LIMS1: variants seen among roughly 807,000 people sequenced by gnomAD.
LIMS1 encodes LIM zinc finger domain containing 1.
LIMS1 carries 18 observed loss-of-function variants against 44.1 expected under a neutral mutation model. The observed-to-expected ratio is 0.41, with a 90% CI of 0.28 to 0.61. The LOEUF is 0.61. LIMS1 is among the 20% of genes least tolerant of loss of function. The pLI is 0.32. For missense variants in LIMS1, 201 were observed against 422.0 expected, an observed-to-expected ratio of 0.48 and a Z score of 4.59; for synonymous variants, 93 against 149.1, an observed-to-expected ratio of 0.62 and a Z score of 2.74.
intron 1 of LIMS1, among the ~76,000 whole-genome samples, chr2:108,621,759 A>AC (rs1688257604): frequency 6.6e-6 from 1 of 152,204 alleles, no homozygotes; most frequent in Admixed American, 6.5e-5. Flanking sequence ...AATTGAAAAC[A>AC]ACTGATTTTT....
At chr2:108,640,964 C>CGGT (rs2148918087) in intron 1 of LIMS1, among the ~76,000 whole-genome samples, 1 of 152,266 alleles carries the variant, frequency 6.6e-6, no homozygotes, top group South Asian at 2.1e-4. Flanking sequence ...CCTCTAATAA[C>CGGT]CAACTCTGCG....
chr2:108,667,551 A>AAAATATATATATAT (rs765279788), intron 2 of LIMS1, among the ~76,000 whole-genome samples: 3 of 130,472 alleles, frequency 2.3e-5, no homozygotes, highest in African/African-American at 5.7e-5. Context: ...AAAAAAAAAA[A>AAAATATATATATAT]ATATATATAT....
chr2:108,551,933 G>GTATATA (rs1684748311), intron 1 of LIMS1, among the ~76,000 whole-genome samples: 1 of 77,374 alleles, frequency 1.3e-5, no homozygotes, highest in African/African-American at 4.5e-5. Context: ...GTATATATGT[G>GTATATA]TGTGTGTGTG....
chr2:108,545,974 C>T (rs1211451243), intron 1 of LIMS1, among the ~76,000 whole-genome samples: 2 of 152,180 alleles, frequency 1.3e-5, no homozygotes, highest in Non-Finnish European at 2.9e-5. Context: ...AAGAGAAGCC[C>T]TCCTTAACTA....
At chr2:108,635,051 G>A (rs964151213) in intron 1 of LIMS1, among the ~76,000 whole-genome samples, 2 of 152,154 alleles carry the variant, frequency 1.3e-5, no homozygotes, top group East Asian at 3.8e-4. Context: ...TGAGGATGGG[G>A]GTCTACACTG....
At chr2:108,581,095 G>A (rs1292951904) in intron 1 of LIMS1, among the ~76,000 whole-genome samples, 2 of 152,182 alleles carry the variant, frequency 1.3e-5, no homozygotes. Flanking sequence ...GTTTGGGTCT[G>A]AGTGGGTTTT....
At chr2:108,667,605 T>C (rs1366477513) in intron 2 of LIMS1, among the ~76,000 whole-genome samples, 2 of 150,606 alleles carry the variant, frequency 1.3e-5, no homozygotes, top group Non-Finnish European at 3.0e-5. Flanking sequence ...TTATGCAATA[T>C]ACATCTTTCT....
chr2:108,535,906 G>A (rs1478584587), intron 1 of LIMS1, among the ~76,000 whole-genome samples: 2 of 152,176 alleles, frequency 1.3e-5, no homozygotes, highest in Non-Finnish European at 2.9e-5. Flanking sequence ...TCAGCTCATC[G>A]CTCTATTACA....
intron 1 of LIMS1, among the ~76,000 whole-genome samples, chr2:108,648,275 T>C (rs1362647360): frequency 1.3e-5 from 2 of 152,148 alleles, no homozygotes; most frequent in Non-Finnish European, 1.5e-5. Context: ...GAAGGACCTC[T>C]TCAAGGAGAA....
intron 1 of LIMS1, among the ~76,000 whole-genome samples, chr2:108,633,871 G>C (rs1689069174): frequency 6.6e-6 from 1 of 152,182 alleles, no homozygotes; most frequent in Admixed American, 6.5e-5. Flanking sequence ...GTGTGTGTGT[G>C]TGTCCATCCT....
Position 108,534,611 on chromosome 2 carries a change from G to A in LIMS1, c.32+17G>A. 1 of 1,124,174 alleles carries A rather than the reference G, an allele frequency of 8.9e-7. No individual in the cohort carries two copies. The highest frequency in any genetic ancestry group is 3.8e-4 in the Middle Eastern group (1 of 2,612). 69.6% of individuals were successfully genotyped at this position (1,124,174 alleles called of 1,614,324 possible). On this transcript the variant is annotated intron_variant, in intron 1 of 9. Coordinates refer to ENST00000544547, the Ensembl canonical transcript of LIMS1. Reference sequence around the variant, plus strand: ...GACCCACAGGTACGGGCCGCACCGCGCGGCCCCCGCCACGTCCGCCCCGCA... The same window carrying A: ...GACCCACAGGTACGGGCCGCACCGCACGGCCCCCGCCACGTCCGCCCCGCA...
At chr2:108,612,301 T>G (rs1465484417) in intron 1 of LIMS1, among the ~76,000 whole-genome samples, 1 of 152,078 alleles carries the variant, frequency 6.6e-6, no homozygotes, top group Non-Finnish European at 1.5e-5. Context: ...TGGTATGAAG[T>G]GTTCTCAGAG....
At chr2:108,673,947 A>AT (rs1182674998) in intron 5 of LIMS1, 2 of 152,226 alleles carry the variant, frequency 1.3e-5, no homozygotes, top group African/African-American at 4.8e-5. Flanking sequence ...AAAGAAATAT[A>AT]TTTAATTTTT....
chr2:108,645,838 A>G (rs1023567273), intron 1 of LIMS1, among the ~76,000 whole-genome samples: 1 of 151,346 alleles, frequency 6.6e-6, no homozygotes, highest in Non-Finnish European at 1.5e-5. Flanking sequence ...AAAAAAACCC[A>G]GGAGTTGCAA....
chr2:108,571,871 A>T (rs1018366803), intron 1 of LIMS1, among the ~76,000 whole-genome samples: 1 of 152,212 alleles, frequency 6.6e-6, no homozygotes. Flanking sequence ...ACTGTCTTCA[A>T]ATGTGTCTCA....
intron 1 of LIMS1, among the ~76,000 whole-genome samples, chr2:108,626,605 C>T (rs1217283047): frequency 2.1e-4 from 32 of 152,130 alleles, no homozygotes; most frequent in Admixed American, 1.6e-3. Context: ...GCATCTAGCA[C>T]GTACTGCAGT....
intron 1 of LIMS1, among the ~76,000 whole-genome samples, chr2:108,637,099 A>ATGTGTGTGTGTGTGTGTGTGTG (rs74315160): frequency 2.0e-5 from 2 of 98,528 alleles, no homozygotes; most frequent in African/African-American, 6.5e-5. Context: ...ATATACATAT[A>ATGTGTGTGTGTGTGTGTGTGTG]TGTGTGTGTG....
chr2:108,603,056 G>A (rs1394289062), intron 1 of LIMS1, among the ~76,000 whole-genome samples: 1 of 152,170 alleles, frequency 6.6e-6, no homozygotes, highest in Non-Finnish European at 1.5e-5. Flanking sequence ...AAAATGCTGA[G>A]ATTTACAGGC....
intron 1 of LIMS1, among the ~76,000 whole-genome samples, chr2:108,644,718 T>C (rs1048268156): frequency 2.6e-5 from 4 of 152,036 alleles, no homozygotes; most frequent in Non-Finnish European, 4.4e-5. Context: ...AAGGAACATG[T>C]GCTAACCCAA....
Sources: allele counts gnomAD v4.1 joint callset (sites outside exome capture counted in the v4.1 genomes callset), GRCh38; gene constraint gnomAD v4.1.1; transcripts MANE v1.5; gene names NCBI Gene and HGNC (gene_info 2026-07-23, HGNC 2026-07-21).